The following PDZRN4 variants were observed in gnomAD, a reference collection of about 807,000 sequenced individuals.
PDZRN4 encodes PDZ domain-containing RING finger protein 4.
Under a neutral mutation model 99.0 loss-of-function variants are expected in PDZRN4, and 70 were observed. That is an observed-to-expected ratio of 0.71 (90% confidence interval 0.58 to 0.86). The LOEUF (loss-of-function observed/expected upper bound fraction) is 0.86. Among genes scored for constraint, PDZRN4 ranks in the 40% least tolerant of loss-of-function variants. The probability of loss-of-function intolerance (pLI) is 0.00; values close to 1 mark genes in which losing one functional copy is unlikely to be tolerated. For synonymous variants in PDZRN4, 551 were observed against 501.6 expected, an observed-to-expected ratio of 1.10 and a Z score of -1.32; for missense variants, 1,474 against 1,331.2, an observed-to-expected ratio of 1.11 and a Z score of -1.67.
Position 41,393,375 on chromosome 12 carries a change from C to T in PDZRN4, c.844-113081C>T, listed in dbSNP as rs767014364. Among the ~76,000 whole-genome samples the T allele has an allele frequency of 7.2e-5, 11 of 151,848 alleles. 1 individual carries two copies. The highest frequency in any genetic ancestry group is 1.6e-4 in the Non-Finnish European group (11 of 67,990). ...GGCTGTGTGTAGCTGCTGTGCAACC[C>T]AATTAGTTGTAGCAAGTACATATTT... On this transcript the variant is annotated intron_variant, in intron 3 of 9. Coordinates refer to ENST00000402685, the MANE Select transcript of PDZRN4 (RefSeq NM_001164595.2).
intron 3 of PDZRN4, among the ~76,000 whole-genome samples, chr12:41,408,758 TTCTCTCTC>T (rs150446588): frequency 6.7e-6 from 1 of 149,012 alleles, no homozygotes; most frequent in Non-Finnish European, 1.5e-5. Context: ...TCCTAAACAT[TTCTCTCTC>T]TCTCTCTCTC....
At chr12:41,525,522 C>G (rs1277186910) in intron 5 of PDZRN4, among the ~76,000 whole-genome samples, 1 of 152,004 alleles carries the variant, frequency 6.6e-6, no homozygotes, top group African/African-American at 2.4e-5. Context: ...TATATAAACT[C>G]ATAGTGTAAG....
chr12:41,412,563 C>T (rs1222152382), intron 3 of PDZRN4: 1 of 152,048 alleles, frequency 6.6e-6, no homozygotes, highest in Non-Finnish European at 1.5e-5. Context: ...TAGATAAATA[C>T]TCAGTAAACA....
intron 3 of PDZRN4, among the ~76,000 whole-genome samples, chr12:41,455,168 G>A (rs1398893068): frequency 6.6e-6 from 1 of 152,140 alleles, no homozygotes; most frequent in South Asian, 2.1e-4. Context: ...TTTTTAGGGG[G>A]ATGAATTTTG....
At chr12:41,484,051 T>G (rs1937728357) in intron 3 of PDZRN4, among the ~76,000 whole-genome samples, 1 of 152,192 alleles carries the variant, frequency 6.6e-6, no homozygotes, top group East Asian at 1.9e-4. Context: ...GTGTGTAAGA[T>G]TCTACTCCTC....
Position 41,574,049 on chromosome 12 carries a change from T to C in PDZRN4, c.*159T>C. 1 of 457,090 alleles carries C rather than the reference T, an allele frequency of 2.2e-6. No individual in the cohort carries two copies. The highest frequency in any genetic ancestry group is 3.8e-6 in the Non-Finnish European group (1 of 261,920). The allele number at this position is 457,090 out of a possible 1,614,324, so 28.3% of individuals were successfully genotyped here. A position where few individuals can be genotyped will look rare whatever the true frequency, so the allele number is the denominator to read the frequency against. On this transcript the variant is annotated 3_prime_UTR_variant, in exon 10 of 10. Coordinates refer to ENST00000402685, the MANE Select transcript of PDZRN4 (RefSeq NM_001164595.2). ...AAAATACCTGGTAATTTTTCATTTG[T>C]TTTTCATATACTGGTACCTTCTTTT... is the stretch of plus-strand genomic sequence containing the variant.
intron 3 of PDZRN4, among the ~76,000 whole-genome samples, chr12:41,198,035 C>T (rs2120654131): frequency 6.6e-6 from 1 of 150,870 alleles, no homozygotes; most frequent in African/African-American, 2.4e-5. Flanking sequence ...CAGCCTAAGC[C>T]TCCCAAGTAG....
chr12:41,398,474 C>T (rs1442227228), intron 3 of PDZRN4, among the ~76,000 whole-genome samples: 2 of 151,980 alleles, frequency 1.3e-5, no homozygotes, highest in Non-Finnish European at 2.9e-5. Context: ...TCTGTTCTCC[C>T]TTTTCTAGAA....
chr12:41,341,093 A>G (rs950178631), intron 3 of PDZRN4, among the ~76,000 whole-genome samples: 1 of 151,916 alleles, frequency 6.6e-6, no homozygotes, highest in Non-Finnish European at 1.5e-5. Flanking sequence ...ACACATTAAT[A>G]AAAAGACAAA....
chr12:41,213,165 C>G (rs1950898677), intron 3 of PDZRN4, among the ~76,000 whole-genome samples: 1 of 151,832 alleles, frequency 6.6e-6, no homozygotes, highest in African/African-American at 2.4e-5. Flanking sequence ...AAATAGGAAC[C>G]CATGAAAGTA....
At chr12:41,512,537 C>A (rs770145732) in intron 5 of PDZRN4, among the ~76,000 whole-genome samples, 1 of 151,928 alleles carries the variant, frequency 6.6e-6, no homozygotes, top group Non-Finnish European at 1.5e-5. Context: ...GCAAAGAGAC[C>A]AGTGAGAGAG....
intron 3 of PDZRN4, among the ~76,000 whole-genome samples, chr12:41,503,544 A>G (rs1181793299): frequency 6.6e-6 from 1 of 152,144 alleles, no homozygotes; most frequent in Non-Finnish European, 1.5e-5. Context: ...AAAAAACTAT[A>G]CTCTTCTGGA....
chr12:41,555,677 T>C (rs757260586), intron 6 of PDZRN4, 21 bp from the exon 7 acceptor site: 35 of 1,584,110 alleles, frequency 2.2e-5, no homozygotes, highest in South Asian at 3.3e-5. Context: ...CAGTTGAAGA[T>C]GTATGTCCTC....
intron 3 of PDZRN4, among the ~76,000 whole-genome samples, chr12:41,486,608 A>C (rs1937778319): frequency 6.6e-6 from 1 of 152,114 alleles, no homozygotes. Context: ...GCAGCTGGGA[A>C]AGTGCAAGCA....
intron 7 of PDZRN4, among the ~76,000 whole-genome samples, chr12:41,561,783 G>C (rs1399313009): frequency 1.3e-5 from 2 of 151,754 alleles, no homozygotes; most frequent in African/African-American, 4.8e-5. Flanking sequence ...ATGTTTGACA[G>C]ACAAATAAAT....
At chr12:41,313,313 C>A (rs1035419423) in intron 3 of PDZRN4, among the ~76,000 whole-genome samples, 4 of 152,172 alleles carry the variant, frequency 2.6e-5, no homozygotes, top group African/African-American at 9.6e-5. Context: ...TTTTCACCAT[C>A]CCCAGTTTTC....
At chr12:41,437,143 T>G (rs947398556) in intron 3 of PDZRN4, among the ~76,000 whole-genome samples, 1 of 152,184 alleles carries the variant, frequency 6.6e-6, no homozygotes, top group Non-Finnish European at 1.5e-5. Flanking sequence ...TATTTCCTCC[T>G]TAGTAAGTAA....
intron 3 of PDZRN4, among the ~76,000 whole-genome samples, chr12:41,374,305 A>G (rs1391630355): frequency 6.6e-6 from 1 of 152,124 alleles, no homozygotes; most frequent in East Asian, 1.9e-4. Flanking sequence ...TTATAATGAA[A>G]CATGGAGTAA....
At chr12:41,327,009 C>G (rs946054620) in intron 3 of PDZRN4, among the ~76,000 whole-genome samples, 2 of 152,116 alleles carry the variant, frequency 1.3e-5, no homozygotes, top group Non-Finnish European at 2.9e-5. Context: ...ATCAGTTTCT[C>G]TCCAGGTCAG....
Sources: gnomAD v4.1 joint callset for allele counts (sites outside exome capture counted in the v4.1 genomes callset) on GRCh38, gnomAD v4.1.1 for gene constraint, MANE v1.5 for transcripts, NCBI Gene and HGNC (gene_info 2026-07-23, HGNC 2026-07-21) for gene names.